Variants in ACACB observed in about 807,000 individuals in gnomAD.
ACACB encodes the protein acetyl-CoA carboxylase beta.
In ACACB, 209 loss-of-function variants were observed where a neutral mutation model predicts 278.8. The observed-to-expected ratio is 0.75, with a 90% CI of 0.67 to 0.84. ACACB has a LOEUF of 0.84. Ranked by LOEUF, ACACB falls within the 40% of genes least tolerant of loss-of-function variation. ACACB has a pLI of 0.00. For synonymous variants in ACACB, 1,174 were observed against 1,285.6 expected (o/e 0.91, Z 1.86); for missense variants, 2,850 against 3,269.0 (o/e 0.87, Z 3.13).
chr12:109,250,249 TTCC>T, intron 41 of ACACB, 145 bp downstream of exon 41: 1 of 868,866 alleles, frequency 1.2e-6, no homozygotes, highest in Non-Finnish European at 1.6e-6. Flanking sequence ...CCACTGATAT[TTCC>T]TCAATCTCAC....
At chr12:109,201,229 G>A (rs1244679084) in intron 18 of ACACB, among the ~76,000 whole-genome samples, 1 of 152,216 alleles carries the variant, frequency 6.6e-6, no homozygotes, top group East Asian at 1.9e-4. Context: ...TTTTAGGAAC[G>A]TGTATATGAA....
rs111853052 is a variant in ACACB at position 109,150,377 on chromosome 12, A to G, written c.653+10319A>G. 1.9e-3 allele frequency among the ~76,000 whole-genome samples: 288 copies of G among 152,330 alleles called. 1 individual carries two copies. Among genetic ancestry groups the G allele is most frequent in the African/African-American group, 6.4e-3 (268 of 41,584 alleles). On this transcript the variant is annotated intron_variant, in intron 2 of 52. Coordinates refer to ENST00000338432, the MANE Select transcript of ACACB (RefSeq NM_001093.4). ...TTATTCCCAAGCCCTGGCCGGGCTT[A>G]CATCTTAAAGGTGTAGCAACCTGTG... is the stretch of plus-strand genomic sequence containing the variant.
intron 4 of ACACB, among the ~76,000 whole-genome samples, chr12:109,169,528 G>A (rs1005701279): frequency 3.3e-5 from 5 of 152,074 alleles, no homozygotes; most frequent in Non-Finnish European, 7.4e-5. Flanking sequence ...GCTCCATCTT[G>A]AACCTCTTGC....
intron 41 of ACACB, among the ~76,000 whole-genome samples, chr12:109,250,546 A>T (rs2047066405): frequency 6.6e-6 from 1 of 152,206 alleles, no homozygotes; most frequent in Non-Finnish European, 1.5e-5. Context: ...GTTTAGAAGA[A>T]CTTTTCTCTG....
chr12:109,197,249 G>A (rs17848804), intron 17 of ACACB, 96 bp downstream of exon 17: 34,998 of 1,464,030 alleles, frequency 0.024, 829 homozygotes, highest in African/African-American at 0.13. Flanking sequence ...CAGGTCCAAG[G>A]GTCTTAGAGA....
At position 109,235,300 on chromosome 12, in the gene ACACB, G is replaced by A; in HGVS notation, c.4348-13G>A. On this transcript the variant is annotated splice_polypyrimidine_tract_variant and intron_variant, in intron 31 of 52. Coordinates refer to ENST00000338432, the MANE Select transcript of ACACB (RefSeq NM_001093.4). ...CAAATAATATTCCATTGTGTCTTTG[G>A]TTTTTAATGCAGAAAAATATCCTTG... The A allele has an allele frequency of 6.2e-7, 1 of 1,613,138 alleles. No individual in the cohort carries two copies. Among genetic ancestry groups the A allele is most frequent in the Non-Finnish European group, 8.5e-7 (1 of 1,179,220 alleles).
At chr12:109,194,227 A>G (rs2045012041) in intron 16 of ACACB, among the ~76,000 whole-genome samples, 2 of 150,788 alleles carry the variant, frequency 1.3e-5, no homozygotes, top group Admixed American at 1.3e-4. Flanking sequence ...ACGGAGCCTC[A>G]CTCTGTCACC....
At chr12:109,153,824 G>A (rs542270956) in intron 2 of ACACB, among the ~76,000 whole-genome samples, 6 of 152,038 alleles carry the variant, frequency 3.9e-5, no homozygotes. Flanking sequence ...CACCATGCCC[G>A]GCTAATTTTT....
intron 13 of ACACB, among the ~76,000 whole-genome samples, chr12:109,190,166 T>C (rs1195925777): frequency 6.6e-6 from 1 of 152,120 alleles, no homozygotes; most frequent in African/African-American, 2.4e-5. Context: ...GAAGAGGTGT[T>C]CAGATACCTG....
Position 109,221,645 on chromosome 12 carries a change from G to A in ACACB, c.3565-862G>A, listed in dbSNP as rs113325468. On this transcript the variant is annotated intron_variant, in intron 24 of 52. Coordinates refer to ENST00000338432, the MANE Select transcript of ACACB (RefSeq NM_001093.4). The stretch of plus-strand genomic sequence containing the variant: ...GGCAGCAATGTGTAGGGGAAGGAGC[G>A]GGAGGCTTTGGGGGCAGAATAGTGC... 3.7e-3 allele frequency among the ~76,000 whole-genome samples: 566 copies of A among 152,234 alleles called. 5 individuals are homozygous for A. The highest frequency in any genetic ancestry group is 0.013 in the African/African-American group (540 of 41,548).
At chr12:109,205,163 T>G (rs550487473) in intron 19 of ACACB, among the ~76,000 whole-genome samples, 1 of 152,290 alleles carries the variant, frequency 6.6e-6, no homozygotes, top group African/African-American at 2.4e-5. Context: ...ATCACTAGTC[T>G]CTTTAGGGAG....
In ACACB at chr12:109,167,621, G is replaced by GCATATATATATATATATATATATA. The variant is rs1408673157; in HGVS notation, c.787-275_787-274insCATATATATATATATATATATATA. 4.6e-4 allele frequency among the ~76,000 whole-genome samples: 36 copies of GCATATATATATATATATATATATA among 77,514 alleles called. 1 individual carries two copies. The highest frequency in any genetic ancestry group is 1.8e-3 in the African/African-American group (35 of 19,734). 50.9% of individuals were successfully genotyped at this position (77,514 alleles called of 152,430 possible). A position where few individuals can be genotyped will look rare whatever the true frequency, so the allele number is the denominator to read the frequency against. Reference sequence around the variant, plus strand: ...CTCAAAAAAAAAAATATATGTATGTGTATATATATATATATATATATATAT... The same window carrying GCATATATATATATATATATATATA: ...CTCAAAAAAAAAAATATATGTATGTGCATATATATATATATATATATATATATATATATATATATATATATATAT... On this transcript the variant is annotated intron_variant, in intron 3 of 52. Coordinates refer to ENST00000338432, the MANE Select transcript of ACACB (RefSeq NM_001093.4).
Position 109,206,802 on chromosome 12 carries a change from C to T in ACACB, c.3006C>T (p.Asn1002=). The T allele has an allele frequency of 6.2e-7, 1 of 1,614,154 alleles. No homozygotes were observed. ...AGGTCTTCCACAGCGTCCTGGAAAA[C>T]CTCACCAACGTCATGAGTGGCTTTT... ...LHQVFHSVLE[N]LTNVMSGFCL... is the part of the protein sequence containing the mutation. Residue 1002 remains asparagine (N), a synonymous_variant, in exon 20 of 53, where the codon AAC becomes AAT. Coordinates refer to ENST00000338432, the MANE Select transcript of ACACB (RefSeq NM_001093.4).
intron 16 of ACACB, among the ~76,000 whole-genome samples, chr12:109,194,068 T>C (rs970261314): frequency 2.4e-4 from 36 of 152,294 alleles, no homozygotes; most frequent in African/African-American, 8.4e-4. Context: ...GGCCGTGGTC[T>C]CTCTGAAGGC....
intron 37 of ACACB, 141 bp downstream of exon 37, chr12:109,242,733 A>G (rs2046835635): frequency 1.0e-6 from 1 of 987,120 alleles, no homozygotes; most frequent in Non-Finnish European, 1.5e-6. Flanking sequence ...CACGCCTATA[A>G]TCCCAGCACT....
upstream of ACACB, among the ~76,000 whole-genome samples, chr12:109,114,464 G>A (rs1318512658): frequency 6.6e-6 from 1 of 152,144 alleles, no homozygotes; most frequent in Non-Finnish European, 1.5e-5. Flanking sequence ...GGGAAGGCAT[G>A]TGAATTCTCA....
At chr12:109,194,335 A>T (rs912883145) in intron 16 of ACACB, among the ~76,000 whole-genome samples, 23 of 152,186 alleles carry the variant, frequency 1.5e-4, no homozygotes, top group Admixed American at 1.2e-3. Context: ...AGCCGAGATT[A>T]TAGGCATATG....
rs1051688848 is a variant in ACACB at position 109,266,241 on chromosome 12, T to C, written c.7256T>C (p.Val2419Ala). 2 of 1,612,928 alleles carry C rather than the reference T, an allele frequency of 1.2e-6. No individual in the cohort carries two copies. The highest frequency in any genetic ancestry group is 1.7e-5 in the Admixed American group (1 of 59,946). Residue 2419 changes from valine to alanine, a missense_variant, in exon 53 of 53, where the codon GTT becomes GCT. Around this residue, in one of 3 missense-constraint regions of ACACB, gnomAD observed 579 missense variants for 684.6 expected, o/e 0.85. Coordinates refer to ENST00000338432, the MANE Select transcript of ACACB (RefSeq NM_001093.4). ...TCCTCTCACCTCCCCCACAGCCTGG[T>C]TGAAGAAAACCCCGAGGTGGCCGTG... The part of the protein sequence containing the change: ...DSVLKTIRGL[V>A]EENPEVAVDC...
rs1308748956 is a variant in ACACB at position 109,241,259 on chromosome 12, T to G, written c.5000T>G (p.Val1667Gly). 1 of 1,614,122 alleles carries G rather than the reference T, an allele frequency of 6.2e-7. No homozygotes were observed. The highest frequency in any genetic ancestry group is 2.2e-5 in the East Asian group (1 of 44,888). Residue 1667 changes from valine to glycine, a missense_variant, in exon 36 of 53, where the codon GTG (valine) becomes GGG (glycine). Coordinates refer to ENST00000338432, the MANE Select transcript of ACACB (RefSeq NM_001093.4). ...YYLDISLYKE[V>G]TDSRSGNIMF... The stretch of plus-strand genomic sequence containing the variant: ...CTGGACATCAGCCTCTACAAAGAAG[T>G]GACTGACTCCAGATCTGGAAATGTA...
Sources: gnomAD v4.1 joint callset for allele counts (sites outside exome capture counted in the v4.1 genomes callset) on GRCh38, gnomAD v4.1.1 for gene constraint, gnomAD v4.1.1 regional missense constraint, MANE v1.5 for transcripts, NCBI Gene and HGNC (gene_info 2026-07-23, HGNC 2026-07-21) for gene names.